Variants in FMN1 observed in about 807,000 individuals in gnomAD.
The protein encoded by FMN1 is formin 1.
FMN1 carries 110 observed loss-of-function variants against 132.4 expected under a neutral mutation model. The observed-to-expected ratio is 0.83, with a 90% CI of 0.71 to 0.97. The LOEUF (loss-of-function observed/expected upper bound fraction) is 0.97, where lower values mean the gene tolerates loss of function less well. Among genes scored for constraint, FMN1 ranks in the 50% least tolerant of loss-of-function variants. The probability of loss-of-function intolerance (pLI) is 0.00; values close to 1 mark genes in which losing one functional copy is unlikely to be tolerated. For synonymous variants in FMN1, 722 were observed against 651.7 expected, an observed-to-expected ratio of 1.11 and a Z score of -1.64; for missense variants, 1,792 against 1,705.3, an observed-to-expected ratio of 1.05 and a Z score of -0.90.
intron 12 of FMN1, among the ~76,000 whole-genome samples, chr15:32,904,074 T>C (rs914762638): frequency 6.6e-6 from 1 of 152,134 alleles, no homozygotes; most frequent in Non-Finnish European, 1.5e-5. Flanking sequence ...CATGCGAAGA[T>C]CTGAGAACAG....
Position 32,900,055 on chromosome 15 carries a change from C to T in FMN1, c.3578G>A (p.Gly1193Glu). 1 of 1,613,876 alleles carries T rather than the reference C, an allele frequency of 6.2e-7. No homozygotes were observed. Among genetic ancestry groups the T allele is most frequent in the Non-Finnish European group, 8.5e-7 (1 of 1,179,818 alleles). ...GGCTTGTCCCCGAGTCCTATTTCCTCCATTCATATAATTTCCAAAAGCCAA... is the reference window on the plus strand; with the variant it reads ...GGCTTGTCCCCGAGTCCTATTTCCTTCATTCATATAATTTCCAAAAGCCAA... ...LILAFGNYMN[G>E]GNRTRGQADG... is the part of the protein sequence containing the mutation. The change falls in exon 14 of 21, where the codon GGA becomes GAA. Residue 1193 changes from glycine (G) to glutamate (E), a missense_variant. This residue lies in a region of FMN1 where 1,150 missense variants were observed against 1,043.1 expected (regional missense o/e 1.10). Transcript: ENST00000616417.
chr15:33,148,598 G>T (rs983632077), intron 4 of FMN1, among the ~76,000 whole-genome samples: 9 of 152,142 alleles, frequency 5.9e-5, no homozygotes, highest in Non-Finnish European at 1.0e-4. Context: ...CTCTCCGCTG[G>T]GTGTCTCTAC....
chr15:33,120,639 G>A (rs1193785003), intron 4 of FMN1, among the ~76,000 whole-genome samples: 1 of 151,760 alleles, frequency 6.6e-6, no homozygotes, highest in Admixed American at 6.6e-5. Context: ...GTCTTTTCGT[G>A]TTCTGGTATT....
intron 16 of FMN1, among the ~76,000 whole-genome samples, chr15:32,873,211 T>G (rs960268420): frequency 1.1e-4 from 16 of 152,352 alleles, no homozygotes; most frequent in African/African-American, 3.8e-4. Flanking sequence ...CTTGTAAATC[T>G]GTCGGGAGAA....
intron 16 of FMN1, among the ~76,000 whole-genome samples, chr15:32,871,087 A>C (rs2059504520): frequency 6.6e-6 from 1 of 152,222 alleles, no homozygotes; most frequent in Non-Finnish European, 1.5e-5. Flanking sequence ...CAGGCAGCCC[A>C]GGCATGGAGG....
chr15:33,108,587 T>G (rs533901177), intron 4 of FMN1, among the ~76,000 whole-genome samples: 3 of 152,202 alleles, frequency 2.0e-5, no homozygotes, highest in South Asian at 4.1e-4. Flanking sequence ...GTTAAAGGAT[T>G]TTTTAAAAGG....
At chr15:32,806,508 T>C (rs555413519) in intron 17 of FMN1, among the ~76,000 whole-genome samples, 3 of 152,350 alleles carry the variant, frequency 2.0e-5, no homozygotes, top group Non-Finnish European at 4.4e-5. Flanking sequence ...TTTTAAAATG[T>C]AAAGGCTCCC....
At position 33,185,758 on chromosome 15, in the gene FMN1, G is replaced by A. The variant is rs1965863014; in HGVS notation, c.-196-5496C>T. On this transcript the variant is annotated intron_variant, in intron 2 of 20. Transcript: ENST00000616417. ...CAGCTAATTTTGTATTTTTAGTAGAGACAGGGTTTCACCATGTTGGCCAGG... is the reference window on the plus strand; with the variant it reads ...CAGCTAATTTTGTATTTTTAGTAGAAACAGGGTTTCACCATGTTGGCCAGG... 2.6e-5 allele frequency among the ~76,000 whole-genome samples: 4 copies of A among 151,886 alleles called. No individual in the cohort carries two copies. In the South Asian group the frequency reaches 8.3e-4, roughly 32 times the overall value.
At position 33,122,600 on chromosome 15, in the gene FMN1, G is replaced by A. The variant is rs150103837; in HGVS notation, c.1867+30448C>T. ...CTTCTAAACAGTACCACTAGCTAAT[G>A]CAGCAGTAATAAAATCTAATGGCCA... On this transcript the variant is annotated intron_variant, in intron 4 of 20. Transcript: ENST00000616417. 6.9e-3 allele frequency among the ~76,000 whole-genome samples: 1,055 copies of A among 152,328 alleles called. 15 individuals are homozygous for A. The highest frequency in any genetic ancestry group is 0.024 in the African/African-American group (999 of 41,572).
At chr15:32,856,937 C>T (rs1031514251) in intron 17 of FMN1, 78 bp downstream of exon 17, 12 of 1,026,252 alleles carry the variant, frequency 1.2e-5, no homozygotes, top group African/African-American at 3.2e-5. Context: ...TGCCAGGGGC[C>T]GTGGGCCTCA....
At chr15:32,895,332 G>A (rs574943229) in intron 15 of FMN1, among the ~76,000 whole-genome samples, 1 of 151,016 alleles carries the variant, frequency 6.6e-6, no homozygotes, top group African/African-American at 2.4e-5. Context: ...GAAAAAATGT[G>A]GGAAAAAAGG....
At chr15:33,130,436 C>T (rs1050926593) in intron 4 of FMN1, among the ~76,000 whole-genome samples, 7 of 152,136 alleles carry the variant, frequency 4.6e-5, no homozygotes, top group African/African-American at 1.4e-4. Context: ...AAGTTGTGGG[C>T]TGCACTGTAG....
At chr15:33,123,229 C>G (rs775767507) in intron 4 of FMN1, among the ~76,000 whole-genome samples, 4 of 151,946 alleles carry the variant, frequency 2.6e-5, no homozygotes, top group Non-Finnish European at 4.4e-5. Flanking sequence ...ACTGGCCTTC[C>G]TTTTTCTAAC....
In FMN1 at chr15:32,765,637, T is replaced by TCTAG. The variant is rs72072055; in HGVS notation, c.*8672_*8673insCTAG. 1 of 1,820 alleles carries TCTAG rather than the reference T, an allele frequency of 5.5e-4. No individual in the cohort carries two copies. The highest frequency in any genetic ancestry group is 7.0e-3 in the Non-Finnish European group (1 of 142). 0.1% of individuals were successfully genotyped at this position (1,820 alleles called of 1,614,324 possible). A position where few individuals can be genotyped will look rare whatever the true frequency, so the allele number is the denominator to read the frequency against. On this transcript the variant is annotated 3_prime_UTR_variant, in exon 21 of 21. Transcript: ENST00000616417. The stretch of plus-strand genomic sequence containing the variant: ...CTCTGTAAATTCCAAAAAATATAAT[T>TCTAG]CTCTTAAAACAAATTAACAGAGGTA...
At chr15:33,000,104 G>A (rs796577694) in intron 7 of FMN1, among the ~76,000 whole-genome samples, 1 of 152,168 alleles carries the variant, frequency 6.6e-6, no homozygotes, top group Non-Finnish European at 1.5e-5. Context: ...AGATGGACTA[G>A]AGACCTGCTG....
chr15:32,902,051 G>GA lies in FMN1; in HGVS notation c.3378-12dup. The GA allele has an allele frequency of 5.6e-6, 9 of 1,601,122 alleles. No homozygotes were observed. The highest frequency in any genetic ancestry group is 6.0e-6 in the Non-Finnish European group (7 of 1,175,252). On this transcript the variant is annotated splice_polypyrimidine_tract_variant and intron_variant, in intron 12 of 20. Coordinates refer to ENST00000616417, the MANE Select transcript of FMN1 (RefSeq NM_001277313.2). ...AACTCATGTAAAAATCTGTAAAAAAGAAAATGTGTCATCTACCTTCACATA... is the reference window on the plus strand; with the variant it reads ...AACTCATGTAAAAATCTGTAAAAAAGAAAAATGTGTCATCTACCTTCACATA...
chr15:33,039,436 A>C (rs1374733952), intron 6 of FMN1, among the ~76,000 whole-genome samples: 1 of 152,198 alleles, frequency 6.6e-6, no homozygotes, highest in African/African-American at 2.4e-5. Flanking sequence ...CTTGTTAAAA[A>C]CATAATAGGT....
chr15:33,051,966 A>G (rs373039167), intron 6 of FMN1, among the ~76,000 whole-genome samples: 14 of 152,102 alleles, frequency 9.2e-5, no homozygotes, highest in East Asian at 5.8e-4. Flanking sequence ...TTTTTAATCA[A>G]CTTTCACTCC....
At chr15:33,078,647 A>C (rs2604188) in intron 5 of FMN1, among the ~76,000 whole-genome samples, 28,743 of 147,244 alleles carry the variant, frequency 0.2, 3,500 homozygotes, top group East Asian at 0.62. Context: ...AAGGCAACAA[A>C]AAAAAAAAAA....
Sources: allele counts gnomAD v4.1 joint callset (sites outside exome capture counted in the v4.1 genomes callset), GRCh38; gene constraint gnomAD v4.1.1; regional missense constraint gnomAD v4.1.1; transcripts MANE v1.5; gene names NCBI Gene and HGNC (gene_info 2026-07-23, HGNC 2026-07-21).